Variants in SPIDR observed in about 807,000 individuals in gnomAD.
SPIDR encodes scaffold protein involved in DNA repair, also known as DNA repair-scaffolding protein.
SPIDR carries 93 observed loss-of-function variants against 104.6 expected under a neutral mutation model. The observed-to-expected ratio is 0.89, with a 90% CI of 0.75 to 1.06. The LOEUF (loss-of-function observed/expected upper bound fraction) is 1.06, where lower values mean the gene tolerates loss of function less well. SPIDR is among the 50% of genes least tolerant of loss of function. The pLI is 0.00. For missense variants in SPIDR, 1,154 were observed against 1,111.2 expected (o/e 1.04, Z -0.55); for synonymous variants, 431 against 416.9 (o/e 1.03, Z -0.41).
intron 5 of SPIDR, among the ~76,000 whole-genome samples, chr8:47,375,448 G>A (rs1343365843): frequency 3.3e-5 from 5 of 151,622 alleles, no homozygotes; most frequent in African/African-American, 1.2e-4. Flanking sequence ...CACTATGTTG[G>A]CCAAGCTGGT....
intron 11 of SPIDR, among the ~76,000 whole-genome samples, chr8:47,677,708 GTATTAGAGTAGTTGATGATTCAAT>G (rs1310404212): frequency 6.6e-6 from 1 of 152,200 alleles, no homozygotes; most frequent in Non-Finnish European, 1.5e-5. Context: ...ACAGGCAGAA[GTATTAGAGTAGTTGATGATTCAAT>G]TAACTAGATC....
rs149758201 is a variant in SPIDR, at chr8:47,444,777, C to T, written c.1097+4235C>T. On this transcript the variant is annotated intron_variant, in intron 8 of 19. Transcript: ENST00000297423. Reference sequence around the variant, plus strand: ...TAACCTGTAAAGGTTGAAGCTGTCTCAGCTGCTGCCAGTTTCTCATCACAC... The same window carrying T: ...TAACCTGTAAAGGTTGAAGCTGTCTTAGCTGCTGCCAGTTTCTCATCACAC... 1.6e-3 allele frequency among the ~76,000 whole-genome samples: 241 copies of T among 152,296 alleles called. 1 individual carries two copies. The highest frequency in any genetic ancestry group is 5.7e-3 in the African/African-American group (235 of 41,564).
At chr8:47,416,421 T>C (rs1222887967) in intron 7 of SPIDR, among the ~76,000 whole-genome samples, 1 of 152,164 alleles carries the variant, frequency 6.6e-6, no homozygotes, top group Non-Finnish European at 1.5e-5. Context: ...GTTGAACTAT[T>C]TGTTGATGAA....
chr8:47,436,842 C>A (rs1438453648), intron 7 of SPIDR, among the ~76,000 whole-genome samples: 1 of 152,070 alleles, frequency 6.6e-6, no homozygotes, highest in African/African-American at 2.4e-5. Flanking sequence ...GGAAGGAAGG[C>A]CCTGGAGGAT....
chr8:47,357,762 G>A, intron 5 of SPIDR: 1 of 542,212 alleles, frequency 1.8e-6, no homozygotes, highest in South Asian at 8.1e-5. Context: ...TTGAAGTGTG[G>A]AAGTTGGAGT....
At chr8:47,551,700 G>C (rs1195229200) in intron 8 of SPIDR, among the ~76,000 whole-genome samples, 3 of 151,898 alleles carry the variant, frequency 2.0e-5, no homozygotes, top group Non-Finnish European at 4.4e-5. Context: ...TATCAATTTT[G>C]TCGATCATTT....
At chr8:47,412,354 C>T (rs1554672323) in intron 7 of SPIDR, among the ~76,000 whole-genome samples, 1 of 152,018 alleles carries the variant, frequency 6.6e-6, no homozygotes, top group African/African-American at 2.4e-5. Flanking sequence ...GGCTTAGACA[C>T]AAAAAAAGAA....
rs541401594 is a variant in SPIDR at position 47,615,563 on chromosome 8, CT to C, written c.1544+16368del. Among the ~76,000 whole-genome samples the C allele has an allele frequency of 2.7e-5, 4 of 150,584 alleles. No individual in the cohort carries two copies. In the East Asian group the frequency reaches 7.8e-4, roughly 29 times the overall value. On this transcript the variant is annotated intron_variant, in intron 10 of 19. Coordinates refer to ENST00000297423, the MANE Select transcript of SPIDR (RefSeq NM_001080394.4). ...TCTTGGCTCACTGCAACCTCCGCCTCTCGGGTTCCAGCAATTCTCCTGCCTC... is the reference window on the plus strand; with the variant it reads ...TCTTGGCTCACTGCAACCTCCGCCTCCGGGTTCCAGCAATTCTCCTGCCTC...
At chr8:47,631,307 T>C (rs937758526) in intron 10 of SPIDR, among the ~76,000 whole-genome samples, 1 of 152,184 alleles carries the variant, frequency 6.6e-6, no homozygotes, top group East Asian at 1.9e-4. Context: ...GTTGAAGACT[T>C]TGCATTCTCT....
intron 14 of SPIDR, among the ~76,000 whole-genome samples, chr8:47,703,393 A>T (rs914020690): frequency 2.0e-5 from 3 of 152,248 alleles, no homozygotes; most frequent in African/African-American, 7.2e-5. Context: ...TCATTAAATC[A>T]GTGTTATCAC....
At position 47,373,525 on chromosome 8, in the gene SPIDR, C is replaced by A. The variant is rs2058301532; in HGVS notation, c.526-22851C>A. On this transcript the variant is annotated intron_variant, in intron 5 of 19. Coordinates refer to ENST00000297423, the MANE Select transcript of SPIDR (RefSeq NM_001080394.4). ...TTTAATTTTTATTTTTGTTATTATA[C>A]TTTAAGTTCTGGGGTACATGTGCAG... Among the ~76,000 whole-genome samples, 4 of 151,246 alleles carry A rather than the reference C, an allele frequency of 2.6e-5. 1 individual carries two copies. In the South Asian group the frequency reaches 8.3e-4, roughly 32 times the overall value.
intron 8 of SPIDR, among the ~76,000 whole-genome samples, chr8:47,591,803 A>T (rs1035628131): frequency 5.3e-5 from 8 of 152,100 alleles, no homozygotes; most frequent in African/African-American, 1.9e-4. Context: ...AATAAAGAAA[A>T]ACACGCACAT....
chr8:47,586,663 G>A (rs1197667747), intron 8 of SPIDR, among the ~76,000 whole-genome samples: 1 of 152,192 alleles, frequency 6.6e-6, no homozygotes, highest in Admixed American at 6.5e-5. Context: ...AAATTGAAAT[G>A]ATTTTCCCTA....
chr8:47,520,794 A>C (rs1398723786), intron 8 of SPIDR, among the ~76,000 whole-genome samples: 1 of 152,208 alleles, frequency 6.6e-6, no homozygotes, highest in Non-Finnish European at 1.5e-5. Flanking sequence ...ATGACTTCCC[A>C]AAAGAACCCC....
In SPIDR at chr8:47,278,020, G is replaced by A. The variant is rs973651178; in HGVS notation, c.34-1842G>A. On this transcript the variant is annotated intron_variant, in intron 1 of 19. Transcript: ENST00000297423. ...CCAAATAATTTTTAACAACTGCAAC[G>A]TTTTACTTTTCCACCAGCCATGCAC... is the stretch of plus-strand genomic sequence containing the variant. 4.6e-5 allele frequency among the ~76,000 whole-genome samples: 7 copies of A among 150,810 alleles called. No homozygotes were observed. In the East Asian group the frequency reaches 1.2e-3, roughly 25 times the overall value.
intron 8 of SPIDR, among the ~76,000 whole-genome samples, chr8:47,519,526 G>A (rs898059883): frequency 8.5e-5 from 13 of 152,156 alleles, no homozygotes; most frequent in African/African-American, 2.2e-4. Flanking sequence ...CCTGTAATCC[G>A]AACACTTTTG....
At chr8:47,264,514 A>G (rs28403378) in intron 1 of SPIDR, among the ~76,000 whole-genome samples, 4,292 of 152,016 alleles carry the variant, frequency 0.028, 212 homozygotes, top group African/African-American at 0.096. Context: ...GCCCCTCACT[A>G]TCCCTTAACA....
At chr8:47,579,040 T>C (rs1040909924) in intron 8 of SPIDR, among the ~76,000 whole-genome samples, 40 of 152,244 alleles carry the variant, frequency 2.6e-4, no homozygotes, top group African/African-American at 5.3e-4. Context: ...CTAAGACTTG[T>C]ATTTTTAAAG....
At position 47,436,413 on chromosome 8, in the gene SPIDR, C is replaced by A. The variant is rs530067912; in HGVS notation, c.878-3910C>A. ...TCCTTTGTTTGTAAAATGAGTATATCCCCTGCTTGGATTAAAAGCTTGCTT... is the reference window on the plus strand; with the variant it reads ...TCCTTTGTTTGTAAAATGAGTATATACCCTGCTTGGATTAAAAGCTTGCTT... On this transcript the variant is annotated intron_variant, in intron 7 of 19. Coordinates refer to ENST00000297423, the MANE Select transcript of SPIDR (RefSeq NM_001080394.4). 2.6e-5 allele frequency among the ~76,000 whole-genome samples: 4 copies of A among 152,244 alleles called. No homozygotes were observed. In the East Asian group the frequency reaches 7.7e-4, roughly 29 times the overall value.
Sources: allele counts gnomAD v4.1 joint callset (sites outside exome capture counted in the v4.1 genomes callset), GRCh38; gene constraint gnomAD v4.1.1; transcripts MANE v1.5; gene names NCBI Gene and HGNC (gene_info 2026-07-23, HGNC 2026-07-21).